SDHC: variants seen among roughly 807,000 people sequenced by gnomAD.
SDHC encodes the protein succinate dehydrogenase complex subunit C.
A neutral mutation model predicts 22.6 loss-of-function variants in SDHC; 11 were observed. The ratio of observed to expected loss-of-function variants is 0.49; its 90% confidence interval spans 0.31 to 0.81. SDHC has a LOEUF of 0.81. Ranked by LOEUF, SDHC falls within the 30% of genes least tolerant of loss-of-function variation. SDHC has a pLI of 0.05. For missense variants in SDHC, 160 were observed against 212.0 expected (o/e 0.75, Z 1.52); for synonymous variants, 80 against 77.8 (o/e 1.03, Z -0.15).
intron 5 of SDHC, 87 bp downstream of exon 5, chr1:161,356,927 C>T (rs1672300962): frequency 1.4e-6 from 2 of 1,382,330 alleles, no homozygotes; most frequent in Admixed American, 1.7e-5. Flanking sequence ...GGGTTTAGTG[C>T]TGTTCTTTTT....
At chr1:161,326,887 G>A (rs1240117596) in intron 2 of SDHC, 1 of 152,062 alleles carries the variant, frequency 6.6e-6, no homozygotes, top group Non-Finnish European at 1.5e-5. Context: ...GCCTCCCAAA[G>A]TGCTGGGATT....
chr1:161,341,928 T>C (rs1558175395), intron 4 of SDHC, among the ~76,000 whole-genome samples: 1 of 152,216 alleles, frequency 6.6e-6, no homozygotes, highest in East Asian at 1.9e-4. Flanking sequence ...GTAGATAATT[T>C]AGTAAATATT....
intron 1 of SDHC, among the ~76,000 whole-genome samples, chr1:161,323,043 G>A (rs1388512899): frequency 6.6e-6 from 1 of 151,860 alleles, no homozygotes; most frequent in Non-Finnish European, 1.5e-5. Context: ...CTGTCACCCG[G>A]GCTGGAGTGC....
chr1:161,324,428 T>C (rs1670975099), intron 2 of SDHC, among the ~76,000 whole-genome samples: 1 of 152,264 alleles, frequency 6.6e-6, no homozygotes, highest in African/African-American at 2.4e-5. Flanking sequence ...CTCAGCCTGT[T>C]GATGTCAACA....
At chr1:161,321,584 C>G (rs750309797) in intron 1 of SDHC, among the ~76,000 whole-genome samples, 9 of 152,194 alleles carry the variant, frequency 5.9e-5, no homozygotes, top group Non-Finnish European at 1.3e-4. Flanking sequence ...GAGATTTGTT[C>G]CCACTTCTTT....
intron 3 of SDHC, among the ~76,000 whole-genome samples, chr1:161,338,969 C>T (rs941429754): frequency 6.6e-6 from 1 of 152,180 alleles, no homozygotes; most frequent in Non-Finnish European, 1.5e-5. Flanking sequence ...CTGCCTCAGC[C>T]TCCCAAGTAG....
chr1:161,319,863 T>A (rs1222964299), intron 1 of SDHC, among the ~76,000 whole-genome samples: 1 of 152,200 alleles, frequency 6.6e-6, no homozygotes, highest in Non-Finnish European at 1.5e-5. Context: ...GGACATAATG[T>A]AATGTTCAGT....
chr1:161,322,780 A>G (rs55981028), intron 1 of SDHC, among the ~76,000 whole-genome samples: 17,798 of 152,034 alleles, frequency 0.12, 1,407 homozygotes, highest in African/African-American at 0.22. Context: ...TTGTCCAGGC[A>G]GTATTGAACA....
intron 1 of SDHC, among the ~76,000 whole-genome samples, chr1:161,320,412 A>G (rs1331990943): frequency 6.6e-6 from 1 of 152,210 alleles, no homozygotes; most frequent in Non-Finnish European, 1.5e-5. Context: ...CATCAGATCA[A>G]GTTTAGAAAC....
intron 4 of SDHC, among the ~76,000 whole-genome samples, chr1:161,345,049 G>A (rs939711070): frequency 2.0e-5 from 3 of 152,154 alleles, no homozygotes; most frequent in African/African-American, 4.8e-5. Flanking sequence ...CCTAATGACT[G>A]TGTTCACTTT....
In SDHC at chr1:161,362,989, G is replaced by A. The variant is rs1672589799; in HGVS notation, c.*556G>A. 2 of 255,180 alleles carry A rather than the reference G, an allele frequency of 7.8e-6. No individual in the cohort carries two copies. Among genetic ancestry groups the A allele is most frequent in the Non-Finnish European group, 7.7e-6 (1 of 129,454 alleles). The allele number at this position is 255,180 out of a possible 1,614,324, so 15.8% of individuals were successfully genotyped here. A position where few individuals can be genotyped will look rare whatever the true frequency, so the allele number is the denominator to read the frequency against. On this transcript the variant is annotated 3_prime_UTR_variant, in exon 6 of 6. Transcript: ENST00000367975. ...GTCCCAGCTAGAGGGAGATAAAGAG[G>A]GCTAGTTAGTTCTTGGAGCAGCTGC...
chr1:161,332,015 C>T (rs369744514), intron 3 of SDHC, among the ~76,000 whole-genome samples: 97 of 152,182 alleles, frequency 6.4e-4, no homozygotes, highest in African/African-American at 2.2e-3. Context: ...CACTGTGCCA[C>T]CCAGGCTGGA....
At chr1:161,344,516 GC>G (rs1558176897) in intron 4 of SDHC, among the ~76,000 whole-genome samples, 1 of 152,002 alleles carries the variant, frequency 6.6e-6, no homozygotes, top group Non-Finnish European at 1.5e-5. Flanking sequence ...TTGAATGGTG[GC>G]CTTGCATTCA....
chr1:161,314,710 C>T, intron 1 of SDHC: 1 of 532,946 alleles, frequency 1.9e-6, no homozygotes, highest in Non-Finnish European at 3.4e-6. Flanking sequence ...GCAAATTGCT[C>T]TCGGGCCTGC....
At chr1:161,323,769 C>A in intron 2 of SDHC, 99 bp downstream of exon 2, 1 of 855,790 alleles carries the variant, frequency 1.2e-6, no homozygotes, top group South Asian at 1.5e-5. Context: ...GATCTCGGCT[C>A]ACTGCAAGCG....
intron 1 of SDHC, among the ~76,000 whole-genome samples, chr1:161,321,754 A>T (rs1042178790): frequency 6.6e-6 from 1 of 152,190 alleles, no homozygotes; most frequent in Non-Finnish European, 1.5e-5. Flanking sequence ...TGTGCATCTA[A>T]TATCAATGGT....
chr1:161,355,335 T>G (rs1672232512), intron 4 of SDHC, among the ~76,000 whole-genome samples: 2 of 152,272 alleles, frequency 1.3e-5, no homozygotes, highest in South Asian at 4.1e-4. Context: ...GTTGTAAGAG[T>G]TTTTTATGTA....
intron 2 of SDHC, chr1:161,326,869 C>T (rs536757119): frequency 6.6e-6 from 1 of 152,186 alleles, no homozygotes; most frequent in African/African-American, 2.4e-5. Context: ...TGTGATCTGC[C>T]TGCCTCAGCC....
At chr1:161,342,744 C>A (rs974769479) in intron 4 of SDHC, among the ~76,000 whole-genome samples, 2 of 152,156 alleles carry the variant, frequency 1.3e-5, no homozygotes, top group East Asian at 3.8e-4. Context: ...ATCTGCCCGC[C>A]TCGGCCTCCC....
Sources: allele counts gnomAD v4.1 joint callset (sites outside exome capture counted in the v4.1 genomes callset), GRCh38; gene constraint gnomAD v4.1.1; transcripts MANE v1.5; gene names NCBI Gene and HGNC (gene_info 2026-07-23, HGNC 2026-07-21).